The following RASAL2 variants were observed in gnomAD, a reference collection of about 807,000 sequenced individuals.
RASAL2 encodes ras GTPase-activating protein nGAP.
A neutral mutation model predicts 128.9 loss-of-function variants in RASAL2; 58 were observed. That is an observed-to-expected ratio of 0.45 (90% CI 0.36 to 0.56). The LOEUF (loss-of-function observed/expected upper bound fraction) is 0.56, where lower values mean the gene tolerates loss of function less well. Ranked by LOEUF, RASAL2 falls within the 20% of genes least tolerant of loss-of-function variation. RASAL2 has a pLI of 0.00. For synonymous variants in RASAL2, 561 were observed against 580.8 expected, an observed-to-expected ratio of 0.97 and a Z score of 0.49; for missense variants, 1,360 against 1,601.6, an observed-to-expected ratio of 0.85 and a Z score of 2.57.
chr1:178,358,951 T>C (rs1407810950), intron 3 of RASAL2, among the ~76,000 whole-genome samples: 2 of 152,206 alleles, frequency 1.3e-5, no homozygotes, highest in South Asian at 2.1e-4. Flanking sequence ...TTTGTTGTTA[T>C]ATTCAAACAA....
At chr1:178,109,273 G>GT (rs975440070) in intron 1 of RASAL2, among the ~76,000 whole-genome samples, 43 of 150,806 alleles carry the variant, frequency 2.9e-4, no homozygotes, top group East Asian at 9.7e-4. Flanking sequence ...TTTTTGTTTT[G>GT]TTTTTTTTTC....
intron 1 of RASAL2, among the ~76,000 whole-genome samples, chr1:178,155,561 T>A (rs912813741): frequency 6.6e-6 from 1 of 152,000 alleles, no homozygotes; most frequent in African/African-American, 2.4e-5. Flanking sequence ...CCAGGGAACT[T>A]TTTTAGTCAG....
intron 3 of RASAL2, among the ~76,000 whole-genome samples, chr1:178,302,324 A>G (rs993194214): frequency 6.6e-6 from 1 of 152,226 alleles, no homozygotes; most frequent in African/African-American, 2.4e-5. Flanking sequence ...AAACTAAAAT[A>G]TAAGTTAGTG....
chr1:178,284,796 A>G (rs1181892219), intron 2 of RASAL2, among the ~76,000 whole-genome samples: 1 of 152,230 alleles, frequency 6.6e-6, no homozygotes, highest in East Asian at 1.9e-4. Context: ...GAAGGAGAAG[A>G]TATGATTCAA....
At chr1:178,119,430 C>T (rs184773842) in intron 1 of RASAL2, among the ~76,000 whole-genome samples, 4 of 152,280 alleles carry the variant, frequency 2.6e-5, no homozygotes, top group East Asian at 1.9e-4. Flanking sequence ...TCCTGCAAAA[C>T]GTTGTTAAGT....
chr1:178,213,823 A>G (rs113525691), intron 1 of RASAL2, among the ~76,000 whole-genome samples: 1 of 151,948 alleles, frequency 6.6e-6, no homozygotes, highest in African/African-American at 2.4e-5. Context: ...TGTGAGCTGA[A>G]TTGAGTGGTG....
At chr1:178,424,232 G>GT (rs1481189959) in intron 5 of RASAL2, among the ~76,000 whole-genome samples, 64 of 150,178 alleles carry the variant, frequency 4.3e-4, no homozygotes, top group African/African-American at 1.3e-3. Flanking sequence ...TTTTTTTTTG[G>GT]TTTTTTTTGT....
At position 178,473,442 on chromosome 1, in the gene RASAL2, A is replaced by T; in HGVS notation, c.*203A>T. Reference sequence around the variant, plus strand: ...GTCAATGCTTTTCCCCCACATCTCTATGTACATAGGGAACTTAGTTCTGGG... The same window carrying T: ...GTCAATGCTTTTCCCCCACATCTCTTTGTACATAGGGAACTTAGTTCTGGG... On this transcript the variant is annotated 3_prime_UTR_variant, in exon 18 of 18. Coordinates refer to ENST00000367649, the MANE Select transcript of RASAL2 (RefSeq NM_170692.4). 1 of 618,622 alleles carries T rather than the reference A, an allele frequency of 1.6e-6. No individual in the cohort carries two copies. 38.3% of individuals were successfully genotyped at this position (618,622 alleles called of 1,614,324 possible). A position where few individuals can be genotyped will look rare whatever the true frequency, so the allele number is the denominator to read the frequency against.
intron 1 of RASAL2, among the ~76,000 whole-genome samples, chr1:178,173,766 T>G (rs970987128): frequency 2.0e-5 from 3 of 152,086 alleles, no homozygotes; most frequent in Non-Finnish European, 4.4e-5. Flanking sequence ...AAATGTAGAT[T>G]TTTTTGAAAC....
intron 1 of RASAL2, among the ~76,000 whole-genome samples, chr1:178,237,252 C>T (rs149882051): frequency 4.6e-5 from 7 of 151,996 alleles, no homozygotes; most frequent in African/African-American, 9.6e-5. Context: ...ATTTGGGGGC[C>T]CACTTTGAAC....
intron 1 of RASAL2, among the ~76,000 whole-genome samples, chr1:178,105,999 A>C (rs1215283251): frequency 6.6e-6 from 1 of 152,130 alleles, no homozygotes; most frequent in Non-Finnish European, 1.5e-5. Context: ...GAACTCAGTA[A>C]AAATCAATTG....
At chr1:178,224,308 A>C (rs995303080) in intron 1 of RASAL2, among the ~76,000 whole-genome samples, 2 of 151,964 alleles carry the variant, frequency 1.3e-5, no homozygotes, top group African/African-American at 4.8e-5. Flanking sequence ...TTCTTATTTA[A>C]ATAAATCTTT....
chr1:178,306,275 A>G (rs1211607133), intron 3 of RASAL2, among the ~76,000 whole-genome samples: 2 of 151,960 alleles, frequency 1.3e-5, no homozygotes, highest in Non-Finnish European at 2.9e-5. Context: ...TATGTGCCAC[A>G]TTTTCTTAAT....
intron 3 of RASAL2, among the ~76,000 whole-genome samples, chr1:178,359,081 T>TA (rs1471385328): frequency 2.0e-5 from 3 of 152,242 alleles, no homozygotes; most frequent in Admixed American, 6.5e-5. Flanking sequence ...TATGTAAAGT[T>TA]AAAAATGACT....
At chr1:178,391,914 T>C (rs1226702923) in intron 4 of RASAL2, among the ~76,000 whole-genome samples, 1 of 152,198 alleles carries the variant, frequency 6.6e-6, no homozygotes, top group African/African-American at 2.4e-5. Flanking sequence ...CACTCATCAA[T>C]TGGACCCCAA....
intron 2 of RASAL2, among the ~76,000 whole-genome samples, chr1:178,287,544 A>G (rs1293142274): frequency 6.6e-6 from 1 of 152,186 alleles, no homozygotes; most frequent in Non-Finnish European, 1.5e-5. Flanking sequence ...TACAGCACAC[A>G]TGTTTACAGC....
intron 1 of RASAL2, among the ~76,000 whole-genome samples, chr1:178,193,033 T>C (rs1571610606): frequency 6.6e-6 from 1 of 151,794 alleles, no homozygotes; most frequent in East Asian, 1.9e-4. Context: ...AAACAAAGGC[T>C]CTTAGTAGGG....
intron 1 of RASAL2, among the ~76,000 whole-genome samples, chr1:178,253,326 G>A (rs931274037): frequency 2.0e-5 from 3 of 151,952 alleles, no homozygotes; most frequent in Admixed American, 1.3e-4. Flanking sequence ...ACTTAATTAC[G>A]TCTGCAATGA....
At chr1:178,251,807 T>C (rs1665067601) in intron 1 of RASAL2, among the ~76,000 whole-genome samples, 1 of 152,218 alleles carries the variant, frequency 6.6e-6, no homozygotes, top group African/African-American at 2.4e-5. Flanking sequence ...CTATTTACTT[T>C]ATTCTTTCAT....
Sources: gnomAD v4.1 joint callset for allele counts (sites outside exome capture counted in the v4.1 genomes callset) on GRCh38, gnomAD v4.1.1 for gene constraint, MANE v1.5 for transcripts, NCBI Gene and HGNC (gene_info 2026-07-23, HGNC 2026-07-21) for gene names.